The following GRIA1 variants were observed in gnomAD, a reference collection of about 807,000 sequenced individuals.
The protein encoded by GRIA1 is glutamate receptor 1.
GRIA1 carries 31 observed loss-of-function variants against 99.2 expected under a neutral mutation model. The ratio of observed to expected loss-of-function variants is 0.31; its 90% CI spans 0.23 to 0.42. The LOEUF (loss-of-function observed/expected upper bound fraction) is 0.42, where lower values mean the gene tolerates loss of function less well. Ranked by LOEUF, GRIA1 falls within the 10% of genes least tolerant of loss-of-function variation. GRIA1 has a pLI of 1.00. For missense variants in GRIA1, 782 were observed against 1,157.5 expected (o/e 0.68, Z 4.71); for synonymous variants, 438 against 432.4 (o/e 1.01, Z -0.16).
At chr5:153,630,511 G>A (rs1158109029) in intron 2 of GRIA1, among the ~76,000 whole-genome samples, 2 of 152,130 alleles carry the variant, frequency 1.3e-5, no homozygotes, top group Non-Finnish European at 2.9e-5. Flanking sequence ...CAGCACTATG[G>A]GGATCAGAAG....
At chr5:153,770,904 C>T (rs1401349982) in intron 13 of GRIA1, among the ~76,000 whole-genome samples, 3 of 152,184 alleles carry the variant, frequency 2.0e-5, no homozygotes, top group African/African-American at 7.2e-5. Context: ...ATCGAAATAG[C>T]ATCTAATGAA....
chr5:153,595,684 G>A (rs1158277367), intron 2 of GRIA1, among the ~76,000 whole-genome samples: 3 of 150,050 alleles, frequency 2.0e-5, no homozygotes, highest in Admixed American at 2.0e-4. Context: ...CTCACATTGT[G>A]AAATGCTTTT....
intron 2 of GRIA1, among the ~76,000 whole-genome samples, chr5:153,563,663 A>G (rs902316817): frequency 6.6e-6 from 1 of 152,206 alleles, no homozygotes; most frequent in Non-Finnish European, 1.5e-5. Flanking sequence ...GATCAAAAAC[A>G]TCTATTTTCT....
chr5:153,557,566 TC>T (rs912414061), intron 2 of GRIA1, among the ~76,000 whole-genome samples: 4 of 152,230 alleles, frequency 2.6e-5, no homozygotes, highest in Non-Finnish European at 5.9e-5. Context: ...AACTTTTTTT[TC>T]CTTATATCCC....
At chr5:153,565,290 C>T (rs1761515911) in intron 2 of GRIA1, among the ~76,000 whole-genome samples, 1 of 152,110 alleles carries the variant, frequency 6.6e-6, no homozygotes, top group African/African-American at 2.4e-5. Context: ...CCTTTGATCT[C>T]CCATGTCGTT....
chr5:153,599,616 ATGT>A (rs1380350480), intron 2 of GRIA1, among the ~76,000 whole-genome samples: 1 of 152,176 alleles, frequency 6.6e-6, no homozygotes, highest in Non-Finnish European at 1.5e-5. Context: ...TTTGATTGTT[ATGT>A]TGTTAATTTT....
chr5:153,649,213 C>T (rs1443764333), intron 3 of GRIA1, among the ~76,000 whole-genome samples: 3 of 152,144 alleles, frequency 2.0e-5, no homozygotes, highest in Non-Finnish European at 4.4e-5. Context: ...TTGATTTTAG[C>T]CTGGGACACC....
At chr5:153,577,981 T>C (rs2149370997) in intron 2 of GRIA1, among the ~76,000 whole-genome samples, 1 of 150,966 alleles carries the variant, frequency 6.6e-6, no homozygotes, top group Non-Finnish European at 1.5e-5. Flanking sequence ...CAAAACCCAG[T>C]CTCTACTAAA....
chr5:153,573,842 G>A (rs1762319914), intron 2 of GRIA1, among the ~76,000 whole-genome samples: 1 of 152,188 alleles, frequency 6.6e-6, no homozygotes, highest in South Asian at 2.1e-4. Flanking sequence ...CGTGAGGCCT[G>A]GCACGGAATT....
intron 11 of GRIA1, among the ~76,000 whole-genome samples, chr5:153,716,842 T>G (rs1462357060): frequency 6.6e-6 from 1 of 152,204 alleles, no homozygotes; most frequent in Admixed American, 6.5e-5. Context: ...CTGGAATCTA[T>G]TTATCCTATG....
At chr5:153,635,932 C>A (rs1753323380) in intron 2 of GRIA1, among the ~76,000 whole-genome samples, 1 of 152,172 alleles carries the variant, frequency 6.6e-6, no homozygotes, top group South Asian at 2.1e-4. Flanking sequence ...GAAGAGGAAG[C>A]CTGGAACTCA....
chr5:153,694,527 C>T (rs923251099), intron 8 of GRIA1, among the ~76,000 whole-genome samples: 5 of 152,148 alleles, frequency 3.3e-5, no homozygotes, highest in South Asian at 2.1e-4. Flanking sequence ...CAATATGAAC[C>T]ATACACTGTG....
At chr5:153,787,685 G>A (rs937862394) in intron 13 of GRIA1, among the ~76,000 whole-genome samples, 2 of 152,108 alleles carry the variant, frequency 1.3e-5, no homozygotes, top group South Asian at 2.1e-4. Context: ...TTGGCTGATG[G>A]TCCTCGCAGG....
chr5:153,664,369 G>C (rs1205643779), intron 5 of GRIA1, among the ~76,000 whole-genome samples: 1 of 152,150 alleles, frequency 6.6e-6, no homozygotes, highest in Non-Finnish European at 1.5e-5. Context: ...AGGAGGTGGT[G>C]GAGCTAAGAT....
At chr5:153,563,623 T>A (rs527298442) in intron 2 of GRIA1, among the ~76,000 whole-genome samples, 1 of 152,212 alleles carries the variant, frequency 6.6e-6, no homozygotes, top group Admixed American at 6.5e-5. Context: ...ATGCTTTCCA[T>A]CAAATATGTG....
At chr5:153,510,159 T>C (rs1419282719) in intron 2 of GRIA1, among the ~76,000 whole-genome samples, 1 of 152,188 alleles carries the variant, frequency 6.6e-6, no homozygotes, top group Non-Finnish European at 1.5e-5. Flanking sequence ...AATCTGGTCC[T>C]GCACTTATTT....
chr5:153,615,025 C>G (rs1456051029), intron 2 of GRIA1, among the ~76,000 whole-genome samples: 1 of 152,130 alleles, frequency 6.6e-6, no homozygotes, highest in East Asian at 1.9e-4. Flanking sequence ...TAACATTTTC[C>G]AAATGTGATT....
chr5:153,622,975 A>G, intron 2 of GRIA1, among the ~76,000 whole-genome samples: 1 of 152,226 alleles, frequency 6.6e-6, no homozygotes, highest in Non-Finnish European at 1.5e-5. Flanking sequence ...AGACCTCTGT[A>G]GAGTGAGAGG....
chr5:153,777,162 C>T (rs1193215715), intron 13 of GRIA1, among the ~76,000 whole-genome samples: 1 of 152,108 alleles, frequency 6.6e-6, no homozygotes, highest in East Asian at 1.9e-4. Flanking sequence ...CAGGAATGTG[C>T]AATTTGAACA....
Sources: gnomAD v4.1 joint callset for allele counts (sites outside exome capture counted in the v4.1 genomes callset) on GRCh38, gnomAD v4.1.1 for gene constraint, MANE v1.5 for transcripts, NCBI Gene and HGNC (gene_info 2026-07-23, HGNC 2026-07-21) for gene names.